The following TLK2 variants were observed in gnomAD, a reference collection of about 807,000 sequenced individuals.
TLK2 encodes tousled like kinase 2, also known as serine/threonine-protein kinase tousled-like 2.
A neutral mutation model predicts 117.3 loss-of-function variants in TLK2; 6 were observed. The observed-to-expected ratio is 0.05, with a 90% CI of 0.03 to 0.10. TLK2 has a LOEUF of 0.10. Ranked by LOEUF, TLK2 falls within the 10% of genes least tolerant of loss-of-function variation. The pLI, the probability that TLK2 is intolerant of heterozygous loss-of-function variation, is 1.00. For synonymous variants in TLK2, 257 were observed against 316.7 expected, an observed-to-expected ratio of 0.81 and a Z score of 2.00; for missense variants, 299 against 901.2, an observed-to-expected ratio of 0.33 and a Z score of 8.56.
chr17:62,603,070 G>A (rs559633314), intron 19 of TLK2, among the ~76,000 whole-genome samples: 55 of 152,262 alleles, frequency 3.6e-4, no homozygotes, highest in African/African-American at 1.1e-3. Context: ...CAACGGAGGG[G>A]CAACACATGT....
chr17:62,540,940 C>T (rs1474252600), intron 7 of TLK2, among the ~76,000 whole-genome samples: 1 of 152,176 alleles, frequency 6.6e-6, no homozygotes, highest in Admixed American at 6.5e-5. Flanking sequence ...TTACTACCAT[C>T]TACCTTTCTC....
chr17:62,550,909 C>T (rs2078407061), intron 7 of TLK2: 1 of 152,496 alleles, frequency 6.6e-6, no homozygotes, highest in South Asian at 2.1e-4. Flanking sequence ...ACCTCCGCCT[C>T]CCAGGCTCAA....
chr17:62,509,962 A>G (rs1209544059), intron 2 of TLK2, among the ~76,000 whole-genome samples: 1 of 152,188 alleles, frequency 6.6e-6, no homozygotes, highest in African/African-American at 2.4e-5. Context: ...GAACTGTCAG[A>G]AATTAAATTT....
At chr17:62,554,089 A>G (rs1458075535) in intron 9 of TLK2, among the ~76,000 whole-genome samples, 1 of 152,132 alleles carries the variant, frequency 6.6e-6, no homozygotes, top group Non-Finnish European at 1.5e-5. Context: ...ATATTGTTGA[A>G]TTTTATAAGC....
Position 62,612,497 on chromosome 17 carries a change from A to G in TLK2, c.2185A>G (p.Thr729Ala), listed in dbSNP as rs1195784806. Residue 729 changes from threonine (T) to alanine (A), a missense_variant, in exon 22 of 22, where the codon ACA becomes GCA. Transcript: ENST00000346027. ...GCCTCACATCCGAAAGTCAGTCTCTACAAGTAGCCCTGCTGGAGCTGCTAT... is the reference window on the plus strand; with the variant it reads ...GCCTCACATCCGAAAGTCAGTCTCTGCAAGTAGCCCTGCTGGAGCTGCTAT... ...LLPHIRKSVSTSSPAGAAIAS... is the reference protein window; with the variant it reads ...LLPHIRKSVSASSPAGAAIAS... The G allele has an allele frequency of 1.9e-6, 3 of 1,614,192 alleles. No individual in the cohort carries two copies. The South Asian group carries it at 3.3e-5, about 18-fold the overall frequency.
chr17:62,575,911 T>C (rs2080752206), intron 12 of TLK2, among the ~76,000 whole-genome samples: 2 of 152,174 alleles, frequency 1.3e-5, no homozygotes, highest in Non-Finnish European at 2.9e-5. Flanking sequence ...TTGCCCAGGC[T>C]GGTCTCAAAC....
At chr17:62,560,966 G>A (rs910872306) in intron 10 of TLK2, among the ~76,000 whole-genome samples, 4 of 151,970 alleles carry the variant, frequency 2.6e-5, no homozygotes, top group African/African-American at 9.7e-5. Flanking sequence ...TCCTAATGCT[G>A]TGCCTCCCCA....
chr17:62,537,237 A>C (rs1291089431), intron 7 of TLK2, among the ~76,000 whole-genome samples: 10 of 152,242 alleles, frequency 6.6e-5, no homozygotes, highest in Admixed American at 5.9e-4. Context: ...AGGTGCTGAA[A>C]ATGGTGGTTG....
At chr17:62,514,174 C>G (rs184192061) in intron 2 of TLK2, among the ~76,000 whole-genome samples, 2 of 150,316 alleles carry the variant, frequency 1.3e-5, no homozygotes, top group South Asian at 4.2e-4. Flanking sequence ...GATGGAGTCT[C>G]GCTCTATTGC....
At chr17:62,587,970 T>C (rs1017705329) in intron 16 of TLK2, among the ~76,000 whole-genome samples, 1 of 150,812 alleles carries the variant, frequency 6.6e-6, no homozygotes, top group Non-Finnish European at 1.5e-5. Flanking sequence ...GTATAAAATA[T>C]ACGTATACAT....
chr17:62,516,466 G>A, intron 2 of TLK2: 2 of 1,602,226 alleles, frequency 1.2e-6, no homozygotes, highest in Non-Finnish European at 1.7e-6. Flanking sequence ...AGGCCTGCCA[G>A]TCTCTGGACG....
At chr17:62,573,969 T>C (rs2080533491) in intron 12 of TLK2, among the ~76,000 whole-genome samples, 1 of 152,210 alleles carries the variant, frequency 6.6e-6, no homozygotes, top group Non-Finnish European at 1.5e-5. Context: ...AGCTACCATA[T>C]ATAGGAGGAG....
chr17:62,473,049 T>C (rs1294237224), intron 1 of TLK2, among the ~76,000 whole-genome samples: 2 of 152,172 alleles, frequency 1.3e-5, no homozygotes, highest in African/African-American at 4.8e-5. Flanking sequence ...CTCATTTTAT[T>C]CCCTTGGTTC....
chr17:62,533,317 T>C (rs140247888), intron 6 of TLK2, among the ~76,000 whole-genome samples: 336 of 151,906 alleles, frequency 2.2e-3, no homozygotes, highest in African/African-American at 7.3e-3. Flanking sequence ...TTATGACTTA[T>C]GGGATTTGTC....
At chr17:62,554,967 AT>A (rs138425395) in intron 9 of TLK2, among the ~76,000 whole-genome samples, 37 of 148,514 alleles carry the variant, frequency 2.5e-4, no homozygotes, top group South Asian at 1.5e-3. Context: ...CATTTGGTAC[AT>A]TTTTTTTTTC....
chr17:62,537,056 G>A (rs1390340004), intron 7 of TLK2, among the ~76,000 whole-genome samples: 2 of 152,282 alleles, frequency 1.3e-5, no homozygotes, highest in East Asian at 1.9e-4. Flanking sequence ...AAGCCCCGTC[G>A]CCGTATTCCT....
intron 2 of TLK2, among the ~76,000 whole-genome samples, chr17:62,501,185 C>A (rs2074161470): frequency 6.6e-6 from 1 of 152,048 alleles, no homozygotes; most frequent in South Asian, 2.1e-4. Flanking sequence ...TTGCAGTGAG[C>A]CAAGATCGTG....
intron 15 of TLK2, among the ~76,000 whole-genome samples, chr17:62,583,526 T>C (rs1016039368): frequency 2.6e-5 from 4 of 152,146 alleles, no homozygotes; most frequent in Non-Finnish European, 4.4e-5. Context: ...CCCAGTTACT[T>C]TTAGTAATTT....
chr17:62,562,545 A>T (rs1166240043), intron 10 of TLK2, among the ~76,000 whole-genome samples: 1 of 152,202 alleles, frequency 6.6e-6, no homozygotes, highest in Non-Finnish European at 1.5e-5. Context: ...GCAAATGGCA[A>T]GCATGAAAAG....
Sources: allele counts gnomAD v4.1 joint callset (sites outside exome capture counted in the v4.1 genomes callset), GRCh38; gene constraint gnomAD v4.1.1; transcripts MANE v1.5; gene names NCBI Gene and HGNC (gene_info 2026-07-23, HGNC 2026-07-21).